Variants in DIP2A observed in about 807,000 individuals in gnomAD.
DIP2A encodes the protein disco-interacting protein 2 homolog A.
Under a neutral mutation model 177.4 loss-of-function variants are expected in DIP2A, and 85 were observed. That is an observed-to-expected ratio of 0.48 (90% CI 0.40 to 0.57). The LOEUF (loss-of-function observed/expected upper bound fraction) is 0.57, where lower values mean the gene tolerates loss of function less well. DIP2A is among the 20% of genes least tolerant of loss of function. The probability of loss-of-function intolerance (pLI) is 0.00; values close to 1 mark genes in which losing one functional copy is unlikely to be tolerated. For synonymous variants in DIP2A, 886 were observed against 881.8 expected, an observed-to-expected ratio of 1.00 and a Z score of -0.08; for missense variants, 1,791 against 2,100.2, an observed-to-expected ratio of 0.85 and a Z score of 2.88.
At chr21:46,539,650 C>T (rs1450923599) in intron 16 of DIP2A, 4 of 553,426 alleles carry the variant, frequency 7.2e-6, no homozygotes, top group African/African-American at 1.9e-5. Context: ...CCCCTTCTGC[C>T]CTTTGGAGCA....
At chr21:46,576,304 G>A in the DIP2A span, among the ~76,000 whole-genome samples, 1 of 152,042 alleles carries the variant, frequency 6.6e-6, no homozygotes, top group Non-Finnish European at 1.5e-5. Context: ...GCCCCAGTGT[G>A]TGTTGTTCCC....
At chr21:46,470,025 T>C (rs1440130443) in intron 1 of DIP2A, among the ~76,000 whole-genome samples, 2 of 152,250 alleles carry the variant, frequency 1.3e-5, no homozygotes, top group African/African-American at 4.8e-5. Context: ...GCTGATGTGA[T>C]ATACATTTAT....
Position 46,484,837 on chromosome 21 carries a change from A to G in DIP2A, c.163+9A>G, listed in dbSNP as rs774228758. On this transcript the variant is annotated intron_variant, in intron 2 of 37. Transcript: ENST00000417564. ...TATACCGCTTATTCAAGGTAAGGTC[A>G]ATACACTCAGGTGTTACATAGCAAT... The G allele has an allele frequency of 6.4e-7, 1 of 1,568,246 alleles. No homozygotes were observed. Among genetic ancestry groups the G allele is most frequent in the Non-Finnish European group, 8.6e-7 (1 of 1,158,404 alleles).
In DIP2A at chr21:46,565,742, C is replaced by T. The variant is rs2248636; in HGVS notation, c.4194C>T (p.Thr1398=). 0.074 allele frequency: 119,515 copies of T among 1,613,770 alleles called. 6,545 individuals carry two copies. Among genetic ancestry groups the T allele is most frequent in the East Asian group, 0.35 (15,738 of 44,846 alleles). ...EIWVSSPHNA[T]GYYTVYGEEA... ...GGGTAAGCAGCCCCCACAATGCCAC[C>T]GGGTACTACACCGTTTACGGGGAGG... is the stretch of plus-strand genomic sequence containing the variant. Residue 1398 remains threonine (T), a synonymous_variant, in exon 36 of 38, where the codon ACC becomes ACT. Coordinates refer to ENST00000417564, the MANE Select transcript of DIP2A (RefSeq NM_015151.4).
At chr21:46,546,157 T>C in intron 20 of DIP2A, 196 bp downstream of exon 20, 1 of 1,397,472 alleles carries the variant, frequency 7.2e-7, no homozygotes, top group Non-Finnish European at 9.3e-7. Context: ...TGGTGCACAG[T>C]CCTGCACACA....
chr21:46,513,338 G>A lies in DIP2A; in HGVS notation c.1102+1724G>A, dbSNP rs960473327. On this transcript the variant is annotated intron_variant, in intron 8 of 37. Transcript: ENST00000417564. The stretch of plus-strand genomic sequence containing the variant: ...TTCTTATGAGTATCTAACTGACTCA[G>A]TATCATTTATTGAAAAGGCAATCCT... 5.3e-5 allele frequency among the ~76,000 whole-genome samples: 8 copies of A among 152,332 alleles called. No individual in the cohort carries two copies. The South Asian group carries it at 1.7e-3, about 32-fold the overall frequency.
At chr21:46,459,890 G>A (rs2054148400) in intron 1 of DIP2A, among the ~76,000 whole-genome samples, 1 of 152,054 alleles carries the variant, frequency 6.6e-6, no homozygotes, top group Non-Finnish European at 1.5e-5. Context: ...AATCTTGAGA[G>A]GAATGACCAC....
intron 35 of DIP2A, among the ~76,000 whole-genome samples, chr21:46,564,714 G>A (rs757669864): frequency 7.2e-5 from 11 of 152,196 alleles, no homozygotes; most frequent in Non-Finnish European, 1.6e-4. Flanking sequence ...AGCAAGCCGT[G>A]CCCAGAGGGA....
At chr21:46,561,537 G>A (rs2060662204) in intron 33 of DIP2A, 10 of 670,388 alleles carry the variant, frequency 1.5e-5, no homozygotes, top group African/African-American at 1.4e-4. Flanking sequence ...ACATGGGGTG[G>A]GTGGCGAGTG....
downstream of DIP2A, among the ~76,000 whole-genome samples, chr21:46,574,938 C>G (rs567603048): frequency 7.9e-5 from 12 of 152,114 alleles, no homozygotes; most frequent in Non-Finnish European, 1.6e-4. Context: ...ATGAGGCAAG[C>G]ATTATCCTGA....
chr21:46,522,128 T>C (rs2058850650), intron 8 of DIP2A, among the ~76,000 whole-genome samples: 1 of 152,234 alleles, frequency 6.6e-6, no homozygotes, highest in Non-Finnish European at 1.5e-5. Context: ...TTACCAATAG[T>C]CTTTAAAACT....
rs1569070691 is a variant in DIP2A, at chr21:46,539,971, GCTGA to G, written c.2020_2023del (p.Thr674SerfsTer21). On this transcript the variant is annotated frameshift_variant, in exon 17 of 38. Coordinates refer to ENST00000417564, the MANE Select transcript of DIP2A (RefSeq NM_015151.4). LOFTEE classifies it high-confidence loss of function. ...GTCCTTGTGCAAGTTCTCCTGAGGCGCTGACTGTCGCCATCCGCAGGTAACCTTA... is the reference window on the plus strand; with the variant it reads ...GTCCTTGTGCAAGTTCTCCTGAGGCGCTGTCGCCATCCGCAGGTAACCTTA... The G allele has an allele frequency of 4.3e-6, 7 of 1,613,952 alleles. No individual in the cohort carries two copies. Among genetic ancestry groups the G allele is most frequent in the Non-Finnish European group, 5.9e-6 (7 of 1,179,846 alleles).
chr21:46,467,964 A>G (rs1197313278), intron 1 of DIP2A, among the ~76,000 whole-genome samples: 1 of 152,020 alleles, frequency 6.6e-6, no homozygotes, highest in African/African-American at 2.4e-5. Flanking sequence ...CATCTCTGCT[A>G]AAAAATATGA....
chr21:46,566,801 T>C (rs1272682409), intron 37 of DIP2A, 118 bp downstream of exon 37: 2 of 1,339,506 alleles, frequency 1.5e-6, no homozygotes, highest in African/African-American at 2.9e-5. Context: ...ACAGGCCTCC[T>C]GCATTGTCAC....
At chr21:46,464,661 G>T (rs965482341) in intron 1 of DIP2A, among the ~76,000 whole-genome samples, 5 of 152,114 alleles carry the variant, frequency 3.3e-5, no homozygotes, top group Non-Finnish European at 5.9e-5. Context: ...GAGAGAGGAA[G>T]GGGGCCAAAA....
chr21:46,524,865 C>G (rs1278740682), intron 8 of DIP2A, among the ~76,000 whole-genome samples: 1 of 73,792 alleles, frequency 1.4e-5, no homozygotes. Flanking sequence ...ATGATTTTTG[C>G]TTTTTGCTTT....
In DIP2A at chr21:46,509,330, T is replaced by A; in HGVS notation, c.858T>A (p.Pro286=). The part of the protein sequence containing the change: ...LLNTLKRPKR[P]PLKEFFVDDF... ...ACACCCTGAAGAGGCCAAAGCGCCC[T>A]CCACTGAAGGAGTTCTTTGTGGATG... Residue 286 remains proline, a synonymous_variant, in exon 7 of 38, where the codon CCT becomes CCA. Transcript: ENST00000417564. The A allele has an allele frequency of 6.2e-7, 1 of 1,613,698 alleles. No individual in the cohort carries two copies. Among genetic ancestry groups the A allele is most frequent in the Non-Finnish European group, 8.5e-7 (1 of 1,179,762 alleles).
chr21:46,462,520 C>T (rs1268067060), intron 1 of DIP2A: 22 of 152,198 alleles, frequency 1.4e-4, no homozygotes, highest in Non-Finnish European at 2.6e-4. Context: ...TGCTTCGAAA[C>T]TGGTAAGGTG....
intron 10 of DIP2A, among the ~76,000 whole-genome samples, chr21:46,533,243 C>G (rs2046241866): frequency 1.3e-5 from 2 of 152,142 alleles, no homozygotes; most frequent in Admixed American, 1.3e-4. Flanking sequence ...TTCTAAATGT[C>G]ATTTGTAAGA....
Sources: allele counts gnomAD v4.1 joint callset (sites outside exome capture counted in the v4.1 genomes callset), GRCh38; gene constraint gnomAD v4.1.1; transcripts MANE v1.5; gene names NCBI Gene and HGNC (gene_info 2026-07-23, HGNC 2026-07-21).